The following ATP1A2 variants were observed in gnomAD, a reference collection of about 807,000 sequenced individuals.
ATP1A2 encodes sodium/potassium-transporting ATPase subunit alpha-2.
Under a neutral mutation model 113.1 loss-of-function variants are expected in ATP1A2, and 56 were observed. The ratio of observed to expected loss-of-function variants is 0.49; its 90% CI spans 0.40 to 0.62. The LOEUF is 0.62. ATP1A2 is among the 20% of genes least tolerant of loss of function. The pLI is 0.00. For synonymous variants in ATP1A2, 490 were observed against 526.8 expected (o/e 0.93, Z 0.96); for missense variants, 712 against 1,357.8 (o/e 0.52, Z 7.47).
intron 1 of ATP1A2, among the ~76,000 whole-genome samples, chr1:160,119,312 A>AT (rs1651299473): frequency 1.4e-5 from 2 of 139,022 alleles, no homozygotes; most frequent in Non-Finnish European, 3.0e-5. Flanking sequence ...GACCCTACCC[A>AT]GGTATCCACT....
Position 160,120,968 on chromosome 1 carries a change from G to A in ATP1A2, c.75G>A (p.Gln25=), listed in dbSNP as rs2101983843. 1.2e-6 allele frequency: 2 copies of A among 1,613,304 alleles called. No homozygotes were observed. The highest frequency in any genetic ancestry group is 1.7e-6 in the Non-Finnish European group (2 of 1,179,566). The change falls in exon 2 of 23, where the codon CAG becomes CAA. Residue 25 remains glutamine, a synonymous_variant. Transcript: ENST00000361216. ...AGAATGGGGGCGGCAAGAAGAAACA[G>A]AAGGAGAAGGAACTGGATGAGCTGA... ...TAENGGGKKK[Q]KEKELDELKK... is the part of the protein sequence containing the mutation.
intron 1 of ATP1A2, among the ~76,000 whole-genome samples, chr1:160,117,522 TGAG>T (rs1245179163): frequency 2.0e-5 from 3 of 152,122 alleles, no homozygotes; most frequent in African/African-American, 7.2e-5. Flanking sequence ...AATAGCAAGA[TGAG>T]GAGCAGATCT....
chr1:160,138,019 C>T (rs1426195531), intron 20 of ATP1A2, among the ~76,000 whole-genome samples: 1 of 152,264 alleles, frequency 6.6e-6, no homozygotes, highest in African/African-American at 2.4e-5. Context: ...GGGTATAATT[C>T]TGGGGCCTGG....
chr1:160,132,380 T>A (rs1651801405), intron 13 of ATP1A2, among the ~76,000 whole-genome samples: 1 of 152,090 alleles, frequency 6.6e-6, no homozygotes. Flanking sequence ...TTTAGGAGAC[T>A]ACCTGGTTTG....
chr1:160,134,214 TCA>T (rs146357011), intron 13 of ATP1A2, among the ~76,000 whole-genome samples: 3 of 90,122 alleles, frequency 3.3e-5, no homozygotes, highest in Admixed American at 1.2e-4. Context: ...CCCCACCCCC[TCA>T]CACACACACA....
rs1210775368 is a variant in ATP1A2, at chr1:160,136,029, C to T, written c.2439+36C>T. ...GAGGTGGAGGAGGGGACAGGCAAGG[C>T]AATCGTGATGGCACAGTGGCAGGGA... On this transcript the variant is annotated intron_variant, in intron 17 of 22. Coordinates refer to ENST00000361216, the MANE Select transcript of ATP1A2 (RefSeq NM_000702.4). 3.7e-6 allele frequency: 6 copies of T among 1,614,074 alleles called. No individual in the cohort carries two copies. The East Asian group carries it at 1.3e-4, about 36-fold the overall frequency.
chr1:160,134,746 A>G (rs1242795991), intron 14 of ATP1A2, 126 bp downstream of exon 14: 28 of 1,375,202 alleles, frequency 2.0e-5, no homozygotes, highest in Non-Finnish European at 2.7e-5. Flanking sequence ...CTCTGACACT[A>G]TTGTGACTGG....
chr1:160,119,642 C>G (rs1651314875), intron 1 of ATP1A2, among the ~76,000 whole-genome samples: 1 of 151,966 alleles, frequency 6.6e-6, no homozygotes, highest in East Asian at 1.9e-4. Context: ...CCTGTGAGAC[C>G]CTGGAAGGCT....
At chr1:160,139,852 C>G (rs372628381) in intron 21 of ATP1A2, 41 bp from the exon 22 acceptor site, 2 of 1,611,938 alleles carry the variant, frequency 1.2e-6, no homozygotes, top group African/African-American at 2.7e-5. Flanking sequence ...GCCACCAAGC[C>G]AACCTCTGAT....
In ATP1A2 at chr1:160,135,652, A is replaced by T. The variant is rs1651915064; in HGVS notation, c.2284+50A>T. On this transcript the variant is annotated intron_variant, in intron 16 of 22. Coordinates refer to ENST00000361216, the MANE Select transcript of ATP1A2 (RefSeq NM_000702.4). The surrounding 1 kb of genome is among the most constrained non-coding windows in gnomAD (Gnocchi z 6.3). Reference sequence around the variant, plus strand: ...TGGTTTGCAGGATACTGAAGCCGGCACCTCTGTTCCCTGTCCCTTTACCCC... The same window carrying T: ...TGGTTTGCAGGATACTGAAGCCGGCTCCTCTGTTCCCTGTCCCTTTACCCC... The T allele has an allele frequency of 6.2e-7, 1 of 1,612,186 alleles. No individual in the cohort carries two copies. Among genetic ancestry groups the T allele is most frequent in the Non-Finnish European group, 8.5e-7 (1 of 1,179,898 alleles).
At chr1:160,141,145 C>T (rs1652134790) in intron 22 of ATP1A2, 149 bp from the exon 23 acceptor site, 2 of 919,290 alleles carry the variant, frequency 2.2e-6, no homozygotes, top group Non-Finnish European at 1.7e-6. Flanking sequence ...TGCACCCAGC[C>T]TCCTTCCACC....
At chr1:160,125,598 G>C in intron 7 of ATP1A2, 1 of 305,390 alleles carries the variant, frequency 3.3e-6, no homozygotes, top group Non-Finnish European at 6.3e-6. Flanking sequence ...ATTCTTAGGA[G>C]TCTTTGGATT....
intron 7 of ATP1A2, 110 bp from the exon 8 acceptor site, chr1:160,127,442 C>T (rs1030104229): frequency 1.9e-5 from 29 of 1,509,790 alleles, no homozygotes; most frequent in South Asian, 9.4e-5. Context: ...TCCAGATCTG[C>T]GGCTTTGGCT....
At chr1:160,131,938 C>T (rs1651787906) in intron 13 of ATP1A2, among the ~76,000 whole-genome samples, 1 of 152,152 alleles carries the variant, frequency 6.6e-6, no homozygotes, top group African/African-American at 2.4e-5. Flanking sequence ...GCATGATCTG[C>T]TTGACCGGAA....
In ATP1A2 at chr1:160,115,761, C is replaced by T; in HGVS notation, c.-101C>T. The T allele has an allele frequency of 1.4e-6, 2 of 1,473,486 alleles. No individual in the cohort carries two copies. The highest frequency in any genetic ancestry group is 1.9e-6 in the Non-Finnish European group (2 of 1,076,242). The allele number at this position is 1,473,486 out of a possible 1,614,324, so 91.3% of individuals were successfully genotyped here. ...AGCTACCCTGTTGCTTTGGCTTTCTCTGTCTGCCAGGGTCTCCGACTGTCC... is the reference window on the plus strand; with the variant it reads ...AGCTACCCTGTTGCTTTGGCTTTCTTTGTCTGCCAGGGTCTCCGACTGTCC... On this transcript the variant is annotated 5_prime_UTR_variant, in exon 1 of 23. Coordinates refer to ENST00000361216, the MANE Select transcript of ATP1A2 (RefSeq NM_000702.4).
chr1:160,121,635 C>A (rs1651402407), intron 3 of ATP1A2, among the ~76,000 whole-genome samples: 1 of 152,238 alleles, frequency 6.6e-6, no homozygotes, highest in African/African-American at 2.4e-5. Context: ...ATTTGCTGGG[C>A]CCCTGCTACA....
Position 160,143,373 on chromosome 1 carries a change from A to G in ATP1A2, c.*2051A>G, listed in dbSNP as rs1652213256. 6.6e-6 allele frequency: 1 copy of G among 152,648 alleles called. No individual in the cohort carries two copies. The highest frequency in any genetic ancestry group is 1.5e-5 in the Non-Finnish European group (1 of 68,040). 9.5% of individuals were successfully genotyped at this position (152,648 alleles called of 1,614,324 possible). A position where few individuals can be genotyped will look rare whatever the true frequency, so the allele number is the denominator to read the frequency against. On this transcript the variant is annotated 3_prime_UTR_variant, in exon 23 of 23. Transcript: ENST00000361216. Reference sequence around the variant, plus strand: ...TTAAGAGCATAAACAATATTGCTAGAGGTGGCATGTTTAGTCTACCAAAAA... The same window carrying G: ...TTAAGAGCATAAACAATATTGCTAGGGGTGGCATGTTTAGTCTACCAAAAA...
chr1:160,126,910 A>G (rs192394805), intron 7 of ATP1A2, among the ~76,000 whole-genome samples: 1 of 152,346 alleles, frequency 6.6e-6, no homozygotes, highest in African/African-American at 2.4e-5. Flanking sequence ...TAAATGAGAT[A>G]TTTGTTGAGC....
chr1:160,138,284 A>G (rs1192368735), intron 20 of ATP1A2, among the ~76,000 whole-genome samples: 1 of 152,250 alleles, frequency 6.6e-6, no homozygotes, highest in African/African-American at 2.4e-5. Context: ...AACCAGGCTT[A>G]CTAATGTGTC....
Sources: allele counts gnomAD v4.1 joint callset (sites outside exome capture counted in the v4.1 genomes callset), GRCh38; gene constraint gnomAD v4.1.1; non-coding constraint Gnocchi (gnomAD v3.1); transcripts MANE v1.5; gene names NCBI Gene and HGNC (gene_info 2026-07-23, HGNC 2026-07-21).